The following FKBP1A variants were observed in gnomAD, a reference collection of about 807,000 sequenced individuals.
The protein encoded by FKBP1A is peptidyl-prolyl cis-trans isomerase FKBP1A.
In FKBP1A, 5 loss-of-function variants were observed where a neutral mutation model predicts 14.2. That is an observed-to-expected ratio of 0.35 (90% CI 0.18 to 0.74). FKBP1A has a LOEUF of 0.74. Ranked by LOEUF, FKBP1A falls within the 30% of genes least tolerant of loss-of-function variation. The pLI, the probability that FKBP1A is intolerant of heterozygous loss-of-function variation, is 0.56. For missense variants in FKBP1A, 53 were observed against 138.8 expected, an observed-to-expected ratio of 0.38 and a Z score of 3.10; for synonymous variants, 42 against 49.1, an observed-to-expected ratio of 0.86 and a Z score of 0.60.
intron 2 of FKBP1A, among the ~76,000 whole-genome samples, chr20:1,376,019 A>C (rs2089537719): frequency 6.6e-6 from 1 of 152,222 alleles, no homozygotes; most frequent in Non-Finnish European, 1.5e-5. Context: ...ATTCCTTCCC[A>C]AAATCCCCCA....
chr20:1,370,141 C>A, intron 4 of FKBP1A, 69 bp from the exon 5 acceptor site: 1 of 1,525,504 alleles, frequency 6.6e-7, no homozygotes, highest in Non-Finnish European at 8.8e-7. Flanking sequence ...GCGACAGCCA[C>A]GATGCCATCT....
intron 2 of FKBP1A, among the ~76,000 whole-genome samples, chr20:1,391,057 G>A (rs2089729878): frequency 1.3e-5 from 2 of 152,180 alleles, no homozygotes; most frequent in African/African-American, 2.4e-5. Flanking sequence ...AAAGAGACAT[G>A]GTGAAGTGCG....
chr20:1,373,643 G>A (rs76023201), intron 3 of FKBP1A, among the ~76,000 whole-genome samples: 2,315 of 152,306 alleles, frequency 0.015, 46 homozygotes, highest in African/African-American at 0.052. Context: ...TCAGGCATCT[G>A]TCCAATACTC....
At chr20:1,375,682 C>G in intron 2 of FKBP1A, 79 bp from the exon 3 acceptor site, 1 of 988,360 alleles carries the variant, frequency 1.0e-6, no homozygotes, top group Non-Finnish European at 1.6e-6. Context: ...GAGCACTCAT[C>G]AGAGATGCCA....
At chr20:1,388,733 GA>G (rs548072249) in intron 2 of FKBP1A, among the ~76,000 whole-genome samples, 27 of 132,296 alleles carry the variant, frequency 2.0e-4, no homozygotes, top group African/African-American at 6.3e-4. Flanking sequence ...ACAGTAGCCA[GA>G]AGGAGCGTGG....
Position 1,369,907 on chromosome 20 carries a change from C to T in FKBP1A, c.*202G>A, listed in dbSNP as rs1196813428. Reference sequence around the variant, plus strand: ...CATATAGTTTAGGTAAACACACATACGAGGAGAAAGGGGAAGAGGAAACAG... The same window carrying T: ...CATATAGTTTAGGTAAACACACATATGAGGAGAAAGGGGAAGAGGAAACAG... On this transcript the variant is annotated 3_prime_UTR_variant, in exon 5 of 5. Coordinates refer to ENST00000400137, the MANE Select transcript of FKBP1A (RefSeq NM_000801.5). 5.5e-5 allele frequency: 57 copies of T among 1,032,096 alleles called. No homozygotes were observed. The highest frequency in any genetic ancestry group is 6.6e-5 in the Non-Finnish European group (47 of 715,592). The allele number at this position is 1,032,096 out of a possible 1,614,324, so 63.9% of individuals were successfully genotyped here.
intron 2 of FKBP1A, among the ~76,000 whole-genome samples, chr20:1,381,628 G>A (rs963991084): frequency 6.6e-6 from 1 of 152,152 alleles, no homozygotes; most frequent in African/African-American, 2.4e-5. Flanking sequence ...GTACACAAAT[G>A]TTCAAAGCAG....
intron 2 of FKBP1A, among the ~76,000 whole-genome samples, chr20:1,387,199 A>T (rs1482138577): frequency 1.3e-5 from 2 of 152,208 alleles, no homozygotes; most frequent in African/African-American, 4.8e-5. Flanking sequence ...TATGTAAATT[A>T]TATTCAATAA....
intron 4 of FKBP1A, 37 bp from the exon 5 acceptor site, chr20:1,370,109 T>A: frequency 6.5e-7 from 1 of 1,541,798 alleles, no homozygotes; most frequent in Non-Finnish European, 8.7e-7. Context: ...TTCCAGCAAC[T>A]CAGTGTTCTT....
chr20:1,374,038 T>G (rs1384706427), intron 3 of FKBP1A, among the ~76,000 whole-genome samples: 1 of 152,208 alleles, frequency 6.6e-6, no homozygotes, highest in African/African-American at 2.4e-5. Flanking sequence ...ATAGAGGAAG[T>G]AGAGCAATGT....
At chr20:1,380,967 T>C (rs1364496285) in intron 2 of FKBP1A, among the ~76,000 whole-genome samples, 1 of 152,200 alleles carries the variant, frequency 6.6e-6, no homozygotes, top group Admixed American at 6.5e-5. Context: ...TAACTCAAAA[T>C]GGATCCTAGA....
At chr20:1,373,469 A>AG (rs1265779135) in intron 3 of FKBP1A, among the ~76,000 whole-genome samples, 1 of 152,228 alleles carries the variant, frequency 6.6e-6, no homozygotes, top group Non-Finnish European at 1.5e-5. Flanking sequence ...GGAAAGGAAA[A>AG]GGGTCACAAG....
At chr20:1,381,374 C>A (rs2089614980) in intron 2 of FKBP1A, among the ~76,000 whole-genome samples, 1 of 152,118 alleles carries the variant, frequency 6.6e-6, no homozygotes, top group African/African-American at 2.4e-5. Flanking sequence ...CAAATTAAAA[C>A]CACTAGGAAA....
intron 4 of FKBP1A, chr20:1,371,290 TG>T (rs1271657597): frequency 4.9e-5 from 42 of 856,450 alleles, no homozygotes; most frequent in Non-Finnish European, 5.5e-5. Flanking sequence ...GAAATGAGGG[TG>T]GAAGAGGGGA....
At chr20:1,384,667 A>G (rs984212798) in intron 2 of FKBP1A, among the ~76,000 whole-genome samples, 72 of 152,312 alleles carry the variant, frequency 4.7e-4, no homozygotes, top group African/African-American at 1.7e-3. Flanking sequence ...TACAAATTCA[A>G]ATCTTACATT....
At chr20:1,387,497 C>T (rs1749282298) in intron 2 of FKBP1A, among the ~76,000 whole-genome samples, 1 of 152,130 alleles carries the variant, frequency 6.6e-6, no homozygotes, top group Non-Finnish European at 1.5e-5. Flanking sequence ...AGTCACTTGC[C>T]CCCACTGGGA....
intron 3 of FKBP1A, among the ~76,000 whole-genome samples, chr20:1,372,865 G>A (rs2089487440): frequency 6.6e-6 from 1 of 152,222 alleles, no homozygotes; most frequent in Non-Finnish European, 1.5e-5. Flanking sequence ...TTGCTGTGAG[G>A]AGAACAGTAT....
rs1296660006 is a variant in FKBP1A at position 1,369,092 on chromosome 20, A to C, written c.*1017T>G. The C allele has an allele frequency of 6.0e-6, 1 of 167,158 alleles. No individual in the cohort carries two copies. Among genetic ancestry groups the C allele is most frequent in the East Asian group, 1.9e-4 (1 of 5,190 alleles). The allele number at this position is 167,158 out of a possible 1,614,324, so 10.4% of individuals were successfully genotyped here. A position where few individuals can be genotyped will look rare whatever the true frequency, so the allele number is the denominator to read the frequency against. ...TCACCAAATCACTACACAGGACAGC[A>C]AAGGGGTGAGAAGGGGCTGAGGGAG... On this transcript the variant is annotated 3_prime_UTR_variant, in exon 5 of 5. Coordinates refer to ENST00000400137, the MANE Select transcript of FKBP1A (RefSeq NM_000801.5).
chr20:1,392,980 T>C lies in FKBP1A; in HGVS notation c.19A>G (p.Thr7Ala). 1 of 1,488,772 alleles carries C rather than the reference T, an allele frequency of 6.7e-7. No homozygotes were observed. Among genetic ancestry groups the C allele is most frequent in the South Asian group, 1.3e-5 (1 of 76,516 alleles). 92.2% of individuals were successfully genotyped at this position (1,488,772 alleles called of 1,614,324 possible). A position where few individuals can be genotyped will look rare whatever the true frequency, so the allele number is the denominator to read the frequency against. Residue 7 changes from threonine to alanine, a missense_variant, in exon 1 of 5, where the codon ACC becomes GCC. This residue lies in a region of FKBP1A where 18 missense variants were observed against 20.6 expected (regional missense o/e 0.87). Transcript: ENST00000400137. MGVQVE[T>A]ISPGDGRTFP... is the part of the protein sequence containing the mutation. Reference sequence around the variant, plus strand: ...TACTCACCGTCTCCTGGGGAGATGGTTTCCACCTGCACTCCCATGGCGGCG... The same window carrying C: ...TACTCACCGTCTCCTGGGGAGATGGCTTCCACCTGCACTCCCATGGCGGCG...
Sources: gnomAD v4.1 joint callset for allele counts (sites outside exome capture counted in the v4.1 genomes callset) on GRCh38, gnomAD v4.1.1 for gene constraint, gnomAD v4.1.1 regional missense constraint, MANE v1.5 for transcripts, NCBI Gene and HGNC (gene_info 2026-07-23, HGNC 2026-07-21) for gene names.